The following PRKAR1B variants were observed in gnomAD, a reference collection of about 807,000 sequenced individuals.
The protein encoded by PRKAR1B is protein kinase cAMP-dependent type I regulatory subunit beta.
A neutral mutation model predicts 46.5 loss-of-function variants in PRKAR1B; 22 were observed. The observed-to-expected ratio is 0.47, with a 90% CI of 0.34 to 0.68. The LOEUF is 0.68. PRKAR1B is among the 30% of genes least tolerant of loss of function. The pLI is 0.01. For missense variants in PRKAR1B, 445 were observed against 535.6 expected, an observed-to-expected ratio of 0.83 and a Z score of 1.67; for synonymous variants, 259 against 217.7, an observed-to-expected ratio of 1.19 and a Z score of -1.67.
chr7:689,118 A>G (rs1488731637), intron 2 of PRKAR1B, among the ~76,000 whole-genome samples: 1 of 152,134 alleles, frequency 6.6e-6, no homozygotes, highest in Non-Finnish European at 1.5e-5. Flanking sequence ...AAAAGAAAAA[A>G]AAATTTTTTT....
chr7:565,660 T>A, intron 9 of PRKAR1B: 1 of 152,194 alleles, frequency 6.6e-6, no homozygotes, highest in Admixed American at 6.5e-5. Context: ...AAAACTGGTC[T>A]GGTGATTGTG....
rs746871672 is a variant in PRKAR1B, at chr7:593,528, A to G, written c.708+2618T>C. On this transcript the variant is annotated intron_variant, in intron 7 of 10. Coordinates refer to ENST00000537384, the MANE Select transcript of PRKAR1B (RefSeq NM_001164760.2). This position sits in a 1 kb window ranked among gnomAD's most constrained non-coding sequence, Gnocchi z 6.1. ...AAGGTTCCAGCCACAAAAATCCCCC[A>G]GCCGGGAGCGACAGGGCGTCAAGGA... 1.3e-4 allele frequency among the ~76,000 whole-genome samples: 20 copies of G among 152,172 alleles called. No homozygotes were observed. Among genetic ancestry groups the G allele is most frequent in the Admixed American group, 3.3e-4 (5 of 15,284 alleles).
At chr7:624,543 T>C (rs1371535793) in intron 4 of PRKAR1B, among the ~76,000 whole-genome samples, 6 of 152,206 alleles carry the variant, frequency 3.9e-5, no homozygotes, top group Admixed American at 3.9e-4. Context: ...AGGCTGTTTA[T>C]CACAGAGCTG....
intron 4 of PRKAR1B, among the ~76,000 whole-genome samples, chr7:626,930 A>C (rs1031030415): frequency 6.6e-6 from 1 of 152,154 alleles, no homozygotes; most frequent in African/African-American, 2.4e-5. Context: ...CAGGCTGTGC[A>C]GTGGCGTGAT....
chr7:596,416 GGGGCACAAGCCCTTTCGCTTGT>G, intron 6 of PRKAR1B, 112 bp from the exon 7 acceptor site: 1 of 1,322,600 alleles, frequency 7.6e-7, no homozygotes. Context: ...CCCGCAGGGC[GGGGCACAAGCCCTTTCGCTTGT>G]GGGCAGAGCC....
Position 550,370 on chromosome 7 carries a change from CAG to C in PRKAR1B, c.*58_*59del. The C allele has an allele frequency of 6.6e-7, 1 of 1,510,860 alleles. No individual in the cohort carries two copies. Among genetic ancestry groups the C allele is most frequent in the Non-Finnish European group, 9.0e-7 (1 of 1,112,358 alleles). 93.6% of individuals were successfully genotyped at this position (1,510,860 alleles called of 1,614,324 possible). ...CACAGCGGCTCCCGGGCCCCCGACA[CAG>C]ACGAGCAGGGCACGGCCACCACACT... On this transcript the variant is annotated 3_prime_UTR_variant, in exon 11 of 11. Coordinates refer to ENST00000537384, the MANE Select transcript of PRKAR1B (RefSeq NM_001164760.2).
intron 2 of PRKAR1B, 147 bp from the exon 3 acceptor site, chr7:680,873 T>C: frequency 2.2e-6 from 2 of 902,276 alleles, no homozygotes; most frequent in South Asian, 3.3e-5. Flanking sequence ...TTAGGCTTTG[T>C]GTCCCCACCC....
At chr7:642,363 T>C (rs973740715) in intron 4 of PRKAR1B, among the ~76,000 whole-genome samples, 3 of 152,140 alleles carry the variant, frequency 2.0e-5, no homozygotes, top group Non-Finnish European at 4.4e-5. Flanking sequence ...TCGTTCAAAG[T>C]CACTGAATAG....
chr7:643,191 T>C (rs1356523988), intron 4 of PRKAR1B, among the ~76,000 whole-genome samples: 1 of 151,598 alleles, frequency 6.6e-6, no homozygotes, highest in Non-Finnish European at 1.5e-5. Flanking sequence ...CTATATTCAG[T>C]CACTCTTTCA....
intron 2 of PRKAR1B, chr7:691,706 C>T (rs1041067628): frequency 3.2e-6 from 4 of 1,262,010 alleles, no homozygotes; most frequent in Non-Finnish European, 4.1e-6. Context: ...AAAAGCAGCT[C>T]CTCGTGGACA....
At position 697,309 on chromosome 7, in the gene PRKAR1B, G is replaced by A. The variant is rs191205411; in HGVS notation, c.177+14020C>T. On this transcript the variant is annotated intron_variant, in intron 2 of 10. Transcript: ENST00000537384. ...TTCCTAGACCCAAGTTTATCCTCCC[G>A]AGAGAAGCCTACACGCAGGGATTAC... Among the ~76,000 whole-genome samples the A allele has an allele frequency of 6.6e-5, 10 of 152,138 alleles. 1 individual carries two copies. In the East Asian group the frequency reaches 1.2e-3, roughly 18 times the overall value.
intron 9 of PRKAR1B, among the ~76,000 whole-genome samples, chr7:571,616 G>A (rs1161857654): frequency 6.6e-6 from 1 of 152,226 alleles, no homozygotes; most frequent in African/African-American, 2.4e-5. Flanking sequence ...CCGTATAGGA[G>A]GAAGCTGGGG....
At chr7:641,369 A>T (rs1784378467) in intron 4 of PRKAR1B, among the ~76,000 whole-genome samples, 1 of 152,224 alleles carries the variant, frequency 6.6e-6, no homozygotes, top group Middle Eastern at 3.2e-3. Context: ...TTCACGCCGT[A>T]TTGTTCATAA....
intron 4 of PRKAR1B, among the ~76,000 whole-genome samples, chr7:670,370 T>C (rs767319901): frequency 2.0e-5 from 3 of 152,166 alleles, no homozygotes; most frequent in Non-Finnish European, 4.4e-5. Flanking sequence ...CTGTGACATG[T>C]GACAATTCTG....
intron 2 of PRKAR1B, among the ~76,000 whole-genome samples, chr7:709,635 G>T (rs1769704829): frequency 6.6e-6 from 1 of 152,092 alleles, no homozygotes; most frequent in African/African-American, 2.4e-5. Flanking sequence ...CTCCCAAAGT[G>T]CTGGGATTAC....
chr7:587,008 G>A (rs112281206), intron 7 of PRKAR1B, among the ~76,000 whole-genome samples: 9,314 of 151,336 alleles, frequency 0.062, 453 homozygotes, highest in Non-Finnish European at 0.088. Context: ...CTCAGCCTCC[G>A]GAGTAGCTGG....
chr7:652,864 T>A (rs1784984994), intron 4 of PRKAR1B, among the ~76,000 whole-genome samples: 1 of 152,220 alleles, frequency 6.6e-6, no homozygotes, highest in South Asian at 2.1e-4. Flanking sequence ...AAAAATTCAC[T>A]CTTCCTCATG....
intron 2 of PRKAR1B, among the ~76,000 whole-genome samples, chr7:709,592 G>C (rs1000333460): frequency 1.3e-5 from 2 of 151,976 alleles, no homozygotes; most frequent in South Asian, 2.1e-4. Flanking sequence ...GGATGGTCTC[G>C]ATCTCCTGAC....
chr7:595,477 G>C (rs1189767202), intron 7 of PRKAR1B, among the ~76,000 whole-genome samples: 2 of 152,190 alleles, frequency 1.3e-5, no homozygotes. Context: ...CCTGCACCCA[G>C]AACAGGGCCT....
Sources: gnomAD v4.1 joint callset for allele counts (sites outside exome capture counted in the v4.1 genomes callset) on GRCh38, gnomAD v4.1.1 for gene constraint, Gnocchi (gnomAD v3.1) non-coding constraint, MANE v1.5 for transcripts, NCBI Gene and HGNC (gene_info 2026-07-23, HGNC 2026-07-21) for gene names.